Variants in TTLL4 observed in about 807,000 individuals in gnomAD.
TTLL4 encodes tubulin tyrosine ligase like 4, also known as tubulin monoglutamylase TTLL4.
A neutral mutation model predicts 122.7 loss-of-function variants in TTLL4; 85 were observed. The observed-to-expected ratio is 0.69, with a 90% confidence interval of 0.58 to 0.83. TTLL4 has a LOEUF of 0.83. Among genes scored for constraint, TTLL4 ranks in the 40% least tolerant of loss-of-function variants. TTLL4 has a pLI of 0.00. For missense variants in TTLL4, 1,363 were observed against 1,488.6 expected (o/e 0.92, Z 1.39); for synonymous variants, 553 against 563.0 (o/e 0.98, Z 0.25).
chr2:218,722,557 T>A (rs990298042), intron 1 of TTLL4, among the ~76,000 whole-genome samples: 5 of 152,114 alleles, frequency 3.3e-5, no homozygotes, highest in African/African-American at 4.8e-5. Flanking sequence ...AAGATCTGAG[T>A]GTTTCAGAGG....
At chr2:218,758,802 C>T (rs940260402), downstream of TTLL4, among the ~76,000 whole-genome samples, 2 of 152,178 alleles carry the variant, frequency 1.3e-5, no homozygotes, top group African/African-American at 4.8e-5. Flanking sequence ...ATGTCCTTAA[C>T]GTATGACCTA....
In TTLL4 at chr2:218,754,304, T is replaced by G. The variant is rs767454008; in HGVS notation, c.3515T>G (p.Ile1172Ser). The change falls in exon 20 of 20, where the codon ATC (isoleucine) becomes AGC (serine). Residue 1172 changes from isoleucine to serine, a missense_variant. Ile to Ser is a moderately radical substitution (Grantham distance 142, BLOSUM62 -2). Around this residue, in one of 3 missense-constraint regions of TTLL4, gnomAD observed 596 missense variants for 655.8 expected, o/e 0.91. Coordinates refer to ENST00000392102, the MANE Select transcript of TTLL4 (RefSeq NM_014640.5). ...PSLSTQTLPVIKCSGQTSRLS... is the reference protein window; with the variant it reads ...PSLSTQTLPVSKCSGQTSRLS... ...CTTTCTACCCAGACGTTACCTGTGA[T>G]CAAGTGCTCTGGGCAGACTTCAAGA... 2 of 1,614,172 alleles carry G rather than the reference T, an allele frequency of 1.2e-6. No homozygotes were observed. Among genetic ancestry groups the G allele is most frequent in the South Asian group, 1.1e-5 (1 of 91,084 alleles).
intron 1 of TTLL4, among the ~76,000 whole-genome samples, chr2:218,720,906 A>C (rs913044071): frequency 3.3e-5 from 5 of 152,018 alleles, no homozygotes; most frequent in African/African-American, 1.2e-4. Context: ...TGGGAAGGGG[A>C]GTGGAGCCAA....
downstream of TTLL4, among the ~76,000 whole-genome samples, chr2:218,757,725 C>A (rs1310108013): frequency 1.3e-5 from 2 of 152,134 alleles, no homozygotes; most frequent in African/African-American, 4.8e-5. Context: ...GCTTCTGGGG[C>A]AGTCCAGTGC....
In TTLL4 at chr2:218,747,541, T is replaced by G; in HGVS notation, c.2250-56T>G. 6.2e-7 allele frequency: 1 copy of G among 1,601,744 alleles called. No homozygotes were observed. The highest frequency in any genetic ancestry group is 8.5e-7 in the Non-Finnish European group (1 of 1,173,292). On this transcript the variant is annotated intron_variant, in intron 10 of 19. Transcript: ENST00000392102. This position sits in a 1 kb window ranked among gnomAD's most constrained non-coding sequence, Gnocchi z 4.7. ...TAGCTGGCTTTTCCTGTGGCTTGGT[T>G]ACCCACTGAGCCCCATCATCTGGCT...
chr2:218,715,431 T>TCTTA (rs2106385075), intron 1 of TTLL4, among the ~76,000 whole-genome samples: 1 of 152,304 alleles, frequency 6.6e-6, no homozygotes, highest in Non-Finnish European at 1.5e-5. Context: ...TTTGACTGGG[T>TCTTA]CTTAGATCCA....
chr2:218,720,841 G>T (rs1942014917), intron 1 of TTLL4, among the ~76,000 whole-genome samples: 1 of 152,268 alleles, frequency 6.6e-6, no homozygotes. Context: ...TGATTGCCGA[G>T]AGAACCAACC....
intron 2 of TTLL4, among the ~76,000 whole-genome samples, chr2:218,732,651 T>G (rs867787666): frequency 6.6e-6 from 1 of 152,214 alleles, no homozygotes; most frequent in Non-Finnish European, 1.5e-5. Flanking sequence ...CTTCCTTCAC[T>G]TCTTAGATTT....
chr2:218,751,579 C>T, intron 15 of TTLL4, 125 bp from the exon 16 acceptor site: 1 of 1,375,520 alleles, frequency 7.3e-7, no homozygotes, highest in Non-Finnish European at 9.4e-7. Flanking sequence ...ACTCAAGTAA[C>T]CTCTGTTCAT....
Position 218,730,329 on chromosome 2 carries a change from A to C in TTLL4, c.-99+2982A>C, listed in dbSNP as rs1233925454. Among the ~76,000 whole-genome samples, 151 of 53,754 alleles carry C rather than the reference A, an allele frequency of 2.8e-3. 2 individuals are homozygous for C. Among genetic ancestry groups the C allele is most frequent in the Middle Eastern group, 6.8e-3 (1 of 146 alleles). 35.3% of individuals were successfully genotyped at this position (53,754 alleles called of 152,430 possible). ...AAAAATCCAAAAAAAAAAAAAAAAA[A>C]AAAAAAAAAAAAAAAAAAAAGAAAA... On this transcript the variant is annotated intron_variant, in intron 2 of 19. Transcript: ENST00000392102.
chr2:218,753,344 C>T (rs1379318273), intron 18 of TTLL4, 159 bp downstream of exon 18: 3 of 917,528 alleles, frequency 3.3e-6, no homozygotes, highest in African/African-American at 3.3e-5. Flanking sequence ...GGAATAGTTG[C>T]CTCCAGGATT....
chr2:218,718,779 A>C (rs1941944764), intron 1 of TTLL4, among the ~76,000 whole-genome samples: 2 of 152,208 alleles, frequency 1.3e-5, no homozygotes, highest in Non-Finnish European at 2.9e-5. Context: ...AGAACTGTAT[A>C]GGCAGTTTCC....
At chr2:218,718,753 A>G (rs1295495967) in intron 1 of TTLL4, among the ~76,000 whole-genome samples, 2 of 152,204 alleles carry the variant, frequency 1.3e-5, no homozygotes, top group East Asian at 1.9e-4. Context: ...AAATCACCCC[A>G]TAAAGATTGG....
At chr2:218,720,716 G>A (rs1376662356) in intron 1 of TTLL4, among the ~76,000 whole-genome samples, 1 of 151,754 alleles carries the variant, frequency 6.6e-6, no homozygotes, top group Non-Finnish European at 1.5e-5. Context: ...ATTGGGGTGT[G>A]CCCCTGGTTC....
In TTLL4 at chr2:218,754,824, T is replaced by G; in HGVS notation, c.*435T>G. ...AATTTGAGGGGGTCTTCTGAGGTCC[T>G]TACTTCCTTAGGTCTTTCCTCACCC... On this transcript the variant is annotated 3_prime_UTR_variant, in exon 20 of 20. Coordinates refer to ENST00000392102, the MANE Select transcript of TTLL4 (RefSeq NM_014640.5). 5.2e-6 allele frequency: 1 copy of G among 190,946 alleles called. No individual in the cohort carries two copies. The highest frequency in any genetic ancestry group is 1.1e-5 in the Non-Finnish European group (1 of 91,482). 11.8% of individuals were successfully genotyped at this position (190,946 alleles called of 1,614,324 possible). A position where few individuals can be genotyped will look rare whatever the true frequency, so the allele number is the denominator to read the frequency against.
In TTLL4 at chr2:218,747,134, C is replaced by T. The variant is rs200614262; in HGVS notation, c.2106C>T (p.Asp702=). The T allele has an allele frequency of 3.4e-5, 55 of 1,614,070 alleles. No homozygotes were observed. The highest frequency in any genetic ancestry group is 1.6e-4 in the Middle Eastern group (1 of 6,084). ...CCCAGTCCTTTATCCTGCCCCAGGA[C>T]GCCAAGCTCCTGCGCAAAGCGTGGG... ...FFPQSFILPQ[D]AKLLRKAWES... Residue 702 remains aspartate (D), a synonymous_variant, in exon 9 of 20, where the codon GAC becomes GAT. Coordinates refer to ENST00000392102, the MANE Select transcript of TTLL4 (RefSeq NM_014640.5). The surrounding 1 kb of genome is among the most constrained non-coding windows in gnomAD (Gnocchi z 4.7).
chr2:218,745,351 G>A lies in TTLL4; in HGVS notation c.1786+118G>A. The stretch of plus-strand genomic sequence containing the variant: ...TTCCAGAATGGCTGTTGTGGCAGTT[G>A]TCACACTGTGCTCAGTTCCCCATGT... On this transcript the variant is annotated intron_variant, in intron 6 of 19. Transcript: ENST00000392102. 1.4e-6 allele frequency: 2 copies of A among 1,382,590 alleles called. 1 individual carries two copies. The allele number at this position is 1,382,590 out of a possible 1,614,324, so 85.6% of individuals were successfully genotyped here. A position where few individuals can be genotyped will look rare whatever the true frequency, so the allele number is the denominator to read the frequency against.
chr2:218,746,216 T>C lies in TTLL4; in HGVS notation c.1959T>C (p.Ile653=), dbSNP rs1225768642. The C allele has an allele frequency of 6.2e-7, 1 of 1,613,766 alleles. No homozygotes were observed. The highest frequency in any genetic ancestry group is 8.5e-7 in the Non-Finnish European group (1 of 1,179,930). Reference sequence around the variant, plus strand: ...TGAAGTCTCCTAGTTTCCGATCCATTCGAGAGCATCAGAAGGTAGGGGTCC... The same window carrying C: ...TGAAGTCTCCTAGTTTCCGATCCATCCGAGAGCATCAGAAGGTAGGGGTCC... The part of the protein sequence containing the change: ...HHMKSPSFRS[I]REHQKLNHFP... Residue 653 remains isoleucine (I), a synonymous_variant, in exon 8 of 20, where the codon ATT becomes ATC. Transcript: ENST00000392102.
rs778690552 is a variant in TTLL4, at chr2:218,745,216, G to A, written c.1769G>A (p.Gly590Asp). 6.2e-7 allele frequency: 1 copy of A among 1,613,904 alleles called. No individual in the cohort carries two copies. Among genetic ancestry groups the A allele is most frequent in the South Asian group, 1.1e-5 (1 of 91,070 alleles). Residue 590 changes from glycine (G) to aspartate (D), a missense_variant, in exon 6 of 20, where the codon GGC becomes GAC. By Grantham distance (94) the Gly-to-Asp change is moderately conservative. Coordinates refer to ENST00000392102, the MANE Select transcript of TTLL4 (RefSeq NM_014640.5). ...AACGTTCCCCCTACCATCTATTTTGGCACTCGGGATGAGAGAGGTAAACCT... is the reference window on the plus strand; with the variant it reads ...AACGTTCCCCCTACCATCTATTTTGACACTCGGGATGAGAGAGGTAAACCT... ...FPNVPPTIYF[G>D]TRDERVEKLP...
Sources: gnomAD v4.1 joint callset for allele counts (sites outside exome capture counted in the v4.1 genomes callset) on GRCh38, gnomAD v4.1.1 for gene constraint, gnomAD v4.1.1 regional missense constraint, Gnocchi (gnomAD v3.1) non-coding constraint, MANE v1.5 for transcripts, NCBI Gene and HGNC (gene_info 2026-07-23, HGNC 2026-07-21) for gene names.